The following SORCS2 variants were observed in gnomAD, a reference collection of about 807,000 sequenced individuals.
SORCS2 encodes the protein sortilin related VPS10 domain containing receptor 2.
In SORCS2, 100 loss-of-function variants were observed where a neutral mutation model predicts 141.6. The observed-to-expected ratio is 0.71, with a 90% CI of 0.60 to 0.83. The LOEUF is 0.83. SORCS2 is among the 40% of genes least tolerant of loss of function. SORCS2 has a pLI of 0.00. For missense variants in SORCS2, 1,646 were observed against 1,560.2 expected (o/e 1.05, Z -0.93); for synonymous variants, 789 against 676.9 (o/e 1.17, Z -2.57).
chr4:7,603,192 G>C (rs576102775), intron 3 of SORCS2, among the ~76,000 whole-genome samples: 6 of 151,932 alleles, frequency 3.9e-5, no homozygotes, highest in African/African-American at 1.5e-4. Context: ...GGGGGAGGGG[G>C]AGGGGGAGAG....
chr4:7,515,208 C>T (rs908998964), intron 2 of SORCS2, among the ~76,000 whole-genome samples: 6 of 152,194 alleles, frequency 3.9e-5, no homozygotes, highest in Non-Finnish European at 8.8e-5. Flanking sequence ...CGCCTGAGGT[C>T]CAGTGAGTAC....
chr4:7,509,412 G>A (rs924449692), intron 2 of SORCS2, among the ~76,000 whole-genome samples: 1 of 152,220 alleles, frequency 6.6e-6, no homozygotes, highest in African/African-American at 2.4e-5. Context: ...GGGGCCACTT[G>A]TAAGTGCTCA....
Position 7,728,397 on chromosome 4 carries a change from T to C in SORCS2, c.2917T>C (p.Tyr973His), listed in dbSNP as rs1285457280. 2 of 1,613,688 alleles carry C rather than the reference T, an allele frequency of 1.2e-6. No homozygotes were observed. The highest frequency in any genetic ancestry group is 1.3e-5 in the African/African-American group (1 of 74,922). Reference protein sequence around the residue: ...PLQFSKELDAYNPNTPEWRED... With the variant: ...PLQFSKELDAHNPNTPEWRED... ...GCAGTTTTCCAAGGAGCTGGATGCC[T>C]ACAACCCCAACACCCCTGAGTGGAG... The change falls in exon 22 of 27, where the codon TAC becomes CAC. Residue 973 changes from tyrosine to histidine, a missense_variant. Physicochemically the swap from Tyr to His is moderately conservative, Grantham distance 83. Coordinates refer to ENST00000507866, the MANE Select transcript of SORCS2 (RefSeq NM_020777.3).
chr4:7,468,950 T>C (rs548201226), intron 2 of SORCS2, among the ~76,000 whole-genome samples: 55 of 152,358 alleles, frequency 3.6e-4, no homozygotes, highest in Non-Finnish European at 4.6e-4. Context: ...CTCTCTGAAC[T>C]GCAATGTGCT....
At chr4:7,395,327 A>G (rs1053843593) in intron 1 of SORCS2, among the ~76,000 whole-genome samples, 18 of 152,178 alleles carry the variant, frequency 1.2e-4, no homozygotes, top group African/African-American at 2.7e-4. Context: ...GGTGACCCCA[A>G]ATAACGAGGC....
chr4:7,242,157 A>T (rs947032766), intron 1 of SORCS2, among the ~76,000 whole-genome samples: 2 of 152,168 alleles, frequency 1.3e-5, no homozygotes, highest in African/African-American at 4.8e-5. Context: ...CGGCTGCGTG[A>T]GAGTCACATG....
chr4:7,625,563 A>G (rs1256763101), intron 3 of SORCS2, among the ~76,000 whole-genome samples: 3 of 151,846 alleles, frequency 2.0e-5, no homozygotes, highest in Non-Finnish European at 4.4e-5. Context: ...ACCCATGCCA[A>G]GGAGGTAGGT....
chr4:7,701,239 A>G (rs951834135), intron 12 of SORCS2, among the ~76,000 whole-genome samples: 2 of 151,262 alleles, frequency 1.3e-5, no homozygotes, highest in Non-Finnish European at 1.5e-5. Flanking sequence ...GAGAGAGAGA[A>G]AAAAGGAGAG....
chr4:7,625,709 T>C (rs1577859080), intron 3 of SORCS2, among the ~76,000 whole-genome samples: 1 of 136,652 alleles, frequency 7.3e-6, no homozygotes, highest in African/African-American at 2.7e-5. Context: ...GATGGAGGGG[T>C]GAGATGAAGG....
At chr4:7,699,907 A>G (rs1270767819) in intron 12 of SORCS2, among the ~76,000 whole-genome samples, 2 of 152,024 alleles carry the variant, frequency 1.3e-5, no homozygotes, top group Non-Finnish European at 2.9e-5. Flanking sequence ...GCCTCTAACG[A>G]GCCCCTGCCC....
chr4:7,725,089 A>C, intron 19 of SORCS2, 65 bp from the exon 20 acceptor site: 1 of 1,546,328 alleles, frequency 6.5e-7, no homozygotes, highest in South Asian at 1.2e-5. Context: ...AGTGATCACT[A>C]AGCAGCCTCT....
intron 2 of SORCS2, among the ~76,000 whole-genome samples, chr4:7,416,832 A>G (rs1260164994): frequency 1.3e-5 from 2 of 151,690 alleles, no homozygotes; most frequent in South Asian, 2.1e-4. Flanking sequence ...TTGTGAACAC[A>G]CACAAACATG....
At chr4:7,729,259 G>A (rs1299428050) in intron 22 of SORCS2, among the ~76,000 whole-genome samples, 1 of 152,124 alleles carries the variant, frequency 6.6e-6, no homozygotes, top group East Asian at 1.9e-4. Context: ...GCCTTGTGAT[G>A]GAGGACATTA....
chr4:7,362,032 A>G (rs1457299386), intron 1 of SORCS2, among the ~76,000 whole-genome samples: 1 of 152,130 alleles, frequency 6.6e-6, no homozygotes. Context: ...AAAGGACAGC[A>G]AACTTGGGTC....
At chr4:7,320,607 G>A (rs1276539954) in intron 1 of SORCS2, among the ~76,000 whole-genome samples, 3 of 152,250 alleles carry the variant, frequency 2.0e-5, no homozygotes, top group Admixed American at 6.5e-5. Context: ...ACAGCCACAC[G>A]TCTGGATGGA....
intron 1 of SORCS2, among the ~76,000 whole-genome samples, chr4:7,215,623 T>G (rs555357380): frequency 6.6e-6 from 1 of 152,204 alleles, no homozygotes; most frequent in African/African-American, 2.4e-5. Context: ...AGAATCTTTA[T>G]GTCTAGCTCA....
chr4:7,564,290 A>C (rs1272511727), intron 3 of SORCS2, among the ~76,000 whole-genome samples: 1 of 152,288 alleles, frequency 6.6e-6, no homozygotes, highest in East Asian at 1.9e-4. Flanking sequence ...CCCCTCTAGG[A>C]CAAGGTCCTT....
chr4:7,242,179 G>A (rs530618075), intron 1 of SORCS2, among the ~76,000 whole-genome samples: 91 of 152,172 alleles, frequency 6.0e-4, no homozygotes, highest in Middle Eastern at 3.4e-3. Flanking sequence ...GTGTTCCCTC[G>A]GAGCCTTTCA....
At chr4:7,430,173 C>G (rs1480742455) in intron 2 of SORCS2, 2 of 152,088 alleles carry the variant, frequency 1.3e-5, no homozygotes, top group African/African-American at 4.8e-5. Context: ...GGGCTCAGGG[C>G]TCACTGTTCC....
Sources: gnomAD v4.1 joint callset for allele counts (sites outside exome capture counted in the v4.1 genomes callset) on GRCh38, gnomAD v4.1.1 for gene constraint, MANE v1.5 for transcripts, NCBI Gene and HGNC (gene_info 2026-07-23, HGNC 2026-07-21) for gene names.